The following DOCK9 variants were observed in gnomAD, a reference collection of about 807,000 sequenced individuals.
DOCK9 encodes dedicator of cytokinesis 9.
In DOCK9, 89 loss-of-function variants were observed where a neutral mutation model predicts 263.3. That is an observed-to-expected ratio of 0.34 (90% CI 0.28 to 0.40). DOCK9 has a LOEUF of 0.40. Among genes scored for constraint, DOCK9 ranks in the 10% least tolerant of loss-of-function variants. The pLI, the probability that DOCK9 is intolerant of heterozygous loss-of-function variation, is 1.00. For synonymous variants in DOCK9, 976 were observed against 973.1 expected (o/e 1.00, Z -0.06); for missense variants, 2,140 against 2,603.4 (o/e 0.82, Z 3.87).
intron 1 of DOCK9, among the ~76,000 whole-genome samples, chr13:99,027,593 T>C (rs2000342): frequency 0.5 from 75,372 of 152,122 alleles, 18,960 homozygotes; most frequent in East Asian, 0.65. Flanking sequence ...ATGAATCATA[T>C]TGAGAAACTC....
chr13:98,949,851 T>A (rs1380683429), intron 2 of DOCK9: 3 of 481,790 alleles, frequency 6.2e-6, no homozygotes, highest in Non-Finnish European at 1.2e-5. Context: ...CCATGAGATC[T>A]CCTGGAAATA....
intron 13 of DOCK9, among the ~76,000 whole-genome samples, chr13:98,899,083 T>A (rs1438740640): frequency 3.3e-5 from 5 of 151,332 alleles, no homozygotes; most frequent in Non-Finnish European, 7.4e-5. Flanking sequence ...CTGAAGGGTC[T>A]TTTACATAAG....
At position 98,868,364 on chromosome 13, in the gene DOCK9, T is replaced by C; in HGVS notation, c.2957A>G (p.Gln986Arg). The C allele has an allele frequency of 6.2e-7, 1 of 1,611,768 alleles. No homozygotes were observed. Residue 986 changes from glutamine to arginine, a missense_variant, in exon 28 of 53, where the codon CAG becomes CGG. Transcript: ENST00000682017. ...ENSKVKLLRN[Q>R]RFPASYHHAV... ...ATGATGATAGGATGCAGGAAATCTC[T>C]GGTTTCGCAGCAACTAAAAAGAATT...
intron 1 of DOCK9, among the ~76,000 whole-genome samples, chr13:98,995,438 G>C (rs1053540523): frequency 6.6e-6 from 1 of 151,464 alleles, no homozygotes; most frequent in Non-Finnish European, 1.5e-5. Context: ...AAAAGTAGAG[G>C]ATGCGTAACT....
At chr13:98,878,578 G>A in intron 27 of DOCK9, among the ~76,000 whole-genome samples, 1 of 152,164 alleles carries the variant, frequency 6.6e-6, no homozygotes, top group Non-Finnish European at 1.5e-5. Flanking sequence ...GCTGCATACT[G>A]CCAAGCAGAC....
rs369246707 is a variant in DOCK9, at chr13:98,935,828, G to A, written c.244-5571C>T. 6.8e-4 allele frequency among the ~76,000 whole-genome samples: 103 copies of A among 152,168 alleles called. 1 individual carries two copies. The South Asian group carries it at 0.019, about 28-fold the overall frequency. The stretch of plus-strand genomic sequence containing the variant: ...TGGAACCCATTAGGCTGGACCCATG[G>A]GGGAGGGGAGGACTACCAGGCTTGG... On this transcript the variant is annotated intron_variant, in intron 2 of 52. Transcript: ENST00000682017.
chr13:99,022,126 T>A (rs9517549), intron 1 of DOCK9, among the ~76,000 whole-genome samples: 79,341 of 151,914 alleles, frequency 0.52, 21,012 homozygotes, highest in South Asian at 0.68. Context: ...ATCATCTATT[T>A]TCCCCATCTC....
At position 98,797,388 on chromosome 13, in the gene DOCK9, C is replaced by T. The variant is rs1347143643; in HGVS notation, c.6017+1G>A. On this transcript the variant is annotated splice_donor_variant, in intron 51 of 52. Coordinates refer to ENST00000682017, the MANE Select transcript of DOCK9 (RefSeq NM_001366683.2). LOFTEE classifies it high-confidence loss of function. Reference sequence around the variant, plus strand: ...AAAAAGATGCTTTCAGTGTGCTTTACCTGAAAACTTCCTTAAGCAGCTTCA... The same window carrying T: ...AAAAAGATGCTTTCAGTGTGCTTTATCTGAAAACTTCCTTAAGCAGCTTCA... The T allele has an allele frequency of 6.2e-7, 1 of 1,612,978 alleles. No individual in the cohort carries two copies.
intron 1 of DOCK9, among the ~76,000 whole-genome samples, chr13:99,001,155 G>A (rs984125999): frequency 5.3e-5 from 8 of 152,154 alleles, no homozygotes; most frequent in South Asian, 2.1e-4. Context: ...CCCATCTACC[G>A]AACTCACTTC....
In DOCK9 at chr13:98,922,119, C is replaced by T; in HGVS notation, c.514G>A (p.Gly172Ser). The T allele has an allele frequency of 6.3e-7, 1 of 1,599,526 alleles. No individual in the cohort carries two copies. Among genetic ancestry groups the T allele is most frequent in the Non-Finnish European group, 8.5e-7 (1 of 1,173,348 alleles). The change falls in exon 6 of 53, where the codon GGT (glycine) becomes AGT (serine). Residue 172 changes from glycine to serine, a missense_variant. Physicochemically the swap from Gly to Ser is moderately conservative, Grantham distance 56. This residue lies in a region of DOCK9 where 1,521 missense variants were observed against 1,741.7 expected (regional missense o/e 0.87). Coordinates refer to ENST00000682017, the MANE Select transcript of DOCK9 (RefSeq NM_001366683.2). The stretch of plus-strand genomic sequence containing the variant: ...AGCCAGCCATGCTTGGTGATCCCAC[C>T]CTTCTGGGAACCAAGGGAGGCAGCA... ...EDAASLGSQKGGITKHGWLYK... is the reference protein window; with the variant it reads ...EDAASLGSQKSGITKHGWLYK...
chr13:98,940,555 C>A (rs1230138428), intron 2 of DOCK9, among the ~76,000 whole-genome samples: 2 of 152,166 alleles, frequency 1.3e-5, no homozygotes, highest in African/African-American at 4.8e-5. Flanking sequence ...TGACTCACTG[C>A]AGCTAGCTGG....
intron 2 of DOCK9, among the ~76,000 whole-genome samples, chr13:98,946,573 C>G (rs1263201981): frequency 6.6e-6 from 1 of 152,288 alleles, no homozygotes; most frequent in East Asian, 1.9e-4. Flanking sequence ...CCTCAATTCC[C>G]TCCCCAGAGA....
At chr13:98,863,936 G>C (rs2093948471) in intron 30 of DOCK9, among the ~76,000 whole-genome samples, 1 of 152,116 alleles carries the variant, frequency 6.6e-6, no homozygotes, top group South Asian at 2.1e-4. Context: ...TAACAGAACT[G>C]TATAAGAGCA....
At chr13:99,080,320 T>C (rs927833852) in intron 1 of DOCK9, among the ~76,000 whole-genome samples, 2 of 152,190 alleles carry the variant, frequency 1.3e-5, no homozygotes, top group African/African-American at 4.8e-5. Context: ...CATCCCATTC[T>C]TGGGCCTGCC....
intron 1 of DOCK9, among the ~76,000 whole-genome samples, chr13:99,021,005 T>A (rs1318845701): frequency 6.6e-6 from 1 of 152,246 alleles, no homozygotes; most frequent in African/African-American, 2.4e-5. Flanking sequence ...TACTTCCATA[T>A]CTGACAGTCC....
chr13:98,869,217 C>T (rs535495904), intron 27 of DOCK9, among the ~76,000 whole-genome samples: 2 of 152,352 alleles, frequency 1.3e-5, no homozygotes, highest in South Asian at 2.1e-4. Context: ...CAGGAACCTA[C>T]AAAATTACAC....
intron 1 of DOCK9, among the ~76,000 whole-genome samples, chr13:99,011,662 T>C (rs937445652): frequency 1.3e-5 from 2 of 152,196 alleles, no homozygotes; most frequent in African/African-American, 4.8e-5. Context: ...ACTCATTTAA[T>C]AGCCCTATGA....
intron 1 of DOCK9, among the ~76,000 whole-genome samples, chr13:99,050,282 A>G (rs1248525829): frequency 6.6e-6 from 1 of 152,244 alleles, no homozygotes; most frequent in Non-Finnish European, 1.5e-5. Context: ...TGTAGGAGAA[A>G]AAAAAAGCAA....
Position 98,828,857 on chromosome 13 carries a change from C to T in DOCK9, c.4965+450G>A, listed in dbSNP as rs557161345. Among the ~76,000 whole-genome samples the T allele has an allele frequency of 2.0e-3, 297 of 152,238 alleles. 1 individual carries two copies. Among genetic ancestry groups the T allele is most frequent in the Non-Finnish European group, 2.8e-3 (188 of 68,022 alleles). ...ACCCAACTCCCAGCCATGCAGTCTA[C>T]ATATTGAAACACGTCAGCTCTGCAT... On this transcript the variant is annotated intron_variant, in intron 43 of 52. Coordinates refer to ENST00000682017, the MANE Select transcript of DOCK9 (RefSeq NM_001366683.2).
Sources: gnomAD v4.1 joint callset for allele counts (sites outside exome capture counted in the v4.1 genomes callset) on GRCh38, gnomAD v4.1.1 for gene constraint, gnomAD v4.1.1 regional missense constraint, MANE v1.5 for transcripts, NCBI Gene and HGNC (gene_info 2026-07-23, HGNC 2026-07-21) for gene names.